The following ABCA13 variants were observed in gnomAD, a reference collection of about 807,000 sequenced individuals.
The protein encoded by ABCA13 is ATP-binding cassette sub-family A member 13.
Under a neutral mutation model 478.7 loss-of-function variants are expected in ABCA13, and 476 were observed. The ratio of observed to expected loss-of-function variants is 0.99; its 90% CI spans 0.92 to 1.07. ABCA13 has a LOEUF of 1.07. ABCA13 is among the 50% of genes least tolerant of loss of function. The probability of loss-of-function intolerance (pLI) is 0.00; values close to 1 mark genes in which losing one functional copy is unlikely to be tolerated. For missense variants in ABCA13, 6,060 were observed against 5,910.6 expected, an observed-to-expected ratio of 1.03 and a Z score of -0.83; for synonymous variants, 2,252 against 2,158.9, an observed-to-expected ratio of 1.04 and a Z score of -1.20.
chr7:48,332,547 T>A (rs1805578373), intron 27 of ABCA13, among the ~76,000 whole-genome samples: 1 of 152,378 alleles, frequency 6.6e-6, no homozygotes, highest in South Asian at 2.1e-4. Context: ...ATAAAACTCA[T>A]GGAAAACAGT....
chr7:48,256,796 C>T (rs981782985), intron 15 of ABCA13, among the ~76,000 whole-genome samples: 11 of 152,246 alleles, frequency 7.2e-5, no homozygotes, highest in South Asian at 2.1e-4. Flanking sequence ...CTTGGCTATT[C>T]GGGCACTTTT....
intron 55 of ABCA13, among the ~76,000 whole-genome samples, chr7:48,563,562 A>C (rs986534302): frequency 6.6e-5 from 10 of 152,252 alleles, no homozygotes; most frequent in African/African-American, 2.4e-4. Flanking sequence ...TGAGACCTTG[A>C]CTGGGACTTC....
rs373967596 is a variant in ABCA13, at chr7:48,234,025, T to G, written c.771T>G (p.Val257=). 593 of 1,613,988 alleles carry G rather than the reference T, an allele frequency of 3.7e-4. 2 individuals carry two copies. In the Middle Eastern group the frequency reaches 5.4e-3, roughly 15 times the overall value. ...CTTTTGTTATTCCAACAGAGCCAGT[T>G]TACCACCTGTCCATGCAGAATATAG... ...QQHGVAVTEP[V]YHLSMQNIVW... is the part of the protein sequence containing the mutation. Residue 257 remains valine, a synonymous_variant, in exon 8 of 62, where the codon GTT becomes GTG. Coordinates refer to ENST00000435803, the MANE Select transcript of ABCA13 (RefSeq NM_152701.5).
At chr7:48,605,615 C>T (rs1175774069) in intron 58 of ABCA13, among the ~76,000 whole-genome samples, 2 of 152,166 alleles carry the variant, frequency 1.3e-5, no homozygotes, top group Non-Finnish European at 2.9e-5. Context: ...TTTTGGGTAA[C>T]CCGACTTTTC....
intron 19 of ABCA13, among the ~76,000 whole-genome samples, chr7:48,283,642 T>C (rs1797343212): frequency 6.6e-6 from 1 of 152,200 alleles, no homozygotes; most frequent in Admixed American, 6.5e-5. Context: ...TGAGTTAATC[T>C]ACACAATCAC....
At chr7:48,554,655 G>A (rs1240692928) in intron 55 of ABCA13, among the ~76,000 whole-genome samples, 1 of 151,574 alleles carries the variant, frequency 6.6e-6, no homozygotes, top group Non-Finnish European at 1.5e-5. Context: ...AAATGCTACT[G>A]ATTTTTGTAT....
chr7:48,326,629 C>T (rs1324435829), intron 27 of ABCA13, among the ~76,000 whole-genome samples: 2 of 152,178 alleles, frequency 1.3e-5, no homozygotes, highest in Non-Finnish European at 2.9e-5. Flanking sequence ...GGGTAAGTAA[C>T]CTTATCAAAA....
At chr7:48,477,944 T>G (rs1325475824) in intron 45 of ABCA13, among the ~76,000 whole-genome samples, 2 of 151,954 alleles carry the variant, frequency 1.3e-5, no homozygotes, top group Non-Finnish European at 2.9e-5. Context: ...CCTGAATTCT[T>G]GATAATAATT....
intron 48 of ABCA13, among the ~76,000 whole-genome samples, chr7:48,492,129 C>T (rs955056788): frequency 1.3e-5 from 2 of 152,096 alleles, no homozygotes; most frequent in African/African-American, 4.8e-5. Context: ...CCAGGCTGGC[C>T]CTTTCTCTCT....
chr7:48,184,761 G>A (rs1456451229), intron 1 of ABCA13, among the ~76,000 whole-genome samples: 6 of 152,112 alleles, frequency 3.9e-5, no homozygotes, highest in African/African-American at 1.4e-4. Context: ...CGGAGATTGC[G>A]GTGAGCTGAG....
intron 59 of ABCA13, among the ~76,000 whole-genome samples, chr7:48,641,161 A>T (rs960362674): frequency 2.0e-5 from 3 of 152,230 alleles, no homozygotes; most frequent in African/African-American, 4.8e-5. Context: ...AGTCATTAGC[A>T]AAATATACTT....
chr7:48,245,520 A>G lies in ABCA13; in HGVS notation c.1399A>G (p.Ile467Val). The G allele has an allele frequency of 6.2e-7, 1 of 1,609,802 alleles. No homozygotes were observed. The highest frequency in any genetic ancestry group is 1.1e-5 in the South Asian group (1 of 89,378). ...ATTTGTCTACTTTGCAGAAGTCCTCATTTGCCTGGAGACATCAGCTAATGA... is the reference window on the plus strand; with the variant it reads ...ATTTGTCTACTTTGCAGAAGTCCTCGTTTGCCTGGAGACATCAGCTAATGA... ...QNLHFVQEVL[I>V]CLETSANDFK... Residue 467 changes from isoleucine to valine, a missense_variant, in exon 12 of 62, where the codon ATT (isoleucine) becomes GTT (valine). By Grantham distance (29) the Ile-to-Val change is conservative. Transcript: ENST00000435803.
At chr7:48,465,926 A>G (rs1312575530) in intron 43 of ABCA13, among the ~76,000 whole-genome samples, 1 of 152,066 alleles carries the variant, frequency 6.6e-6, no homozygotes, top group Non-Finnish European at 1.5e-5. Flanking sequence ...ATATTTGTTA[A>G]TTTATATAAT....
chr7:48,233,255 G>T (rs2128997421), intron 7 of ABCA13, among the ~76,000 whole-genome samples: 1 of 152,246 alleles, frequency 6.6e-6, no homozygotes, highest in East Asian at 1.9e-4. Context: ...TGGCTGGCAG[G>T]TGAAGGGGCT....
At chr7:48,313,288 T>G in intron 25 of ABCA13, 57 bp downstream of exon 25, 1 of 1,501,434 alleles carries the variant, frequency 6.7e-7, no homozygotes, top group Non-Finnish European at 9.0e-7. Context: ...TTCTTTGTAT[T>G]TGCCCCTTTT....
chr7:48,343,525 T>C (rs1200646608), intron 29 of ABCA13, among the ~76,000 whole-genome samples: 1 of 152,200 alleles, frequency 6.6e-6, no homozygotes, highest in Non-Finnish European at 1.5e-5. Context: ...TTCTCTTTTC[T>C]CTTGCATCTC....
chr7:48,218,622 C>T (rs1786853441), intron 3 of ABCA13, among the ~76,000 whole-genome samples: 1 of 152,206 alleles, frequency 6.6e-6, no homozygotes, highest in African/African-American at 2.4e-5. Flanking sequence ...AGCCAGTGCT[C>T]AGTTCTCTGG....
intron 1 of ABCA13, among the ~76,000 whole-genome samples, chr7:48,184,982 C>A (rs1288125772): frequency 6.6e-6 from 1 of 152,094 alleles, no homozygotes; most frequent in African/African-American, 2.4e-5. Context: ...ACTATAAGGG[C>A]ACACCATCAT....
intron 27 of ABCA13, among the ~76,000 whole-genome samples, chr7:48,324,732 C>T (rs965332131): frequency 5.9e-5 from 9 of 152,184 alleles, no homozygotes; most frequent in Admixed American, 5.2e-4. Context: ...CACCTGTCCT[C>T]GGGACCTATA....
Sources: allele counts gnomAD v4.1 joint callset (sites outside exome capture counted in the v4.1 genomes callset), GRCh38; gene constraint gnomAD v4.1.1; transcripts MANE v1.5; gene names NCBI Gene and HGNC (gene_info 2026-07-23, HGNC 2026-07-21).